The following OTOGL variants were observed in gnomAD, a reference collection of about 807,000 sequenced individuals.
The protein encoded by OTOGL is otogelin like.
Under a neutral mutation model 318.5 loss-of-function variants are expected in OTOGL, and 285 were observed. The ratio of observed to expected loss-of-function variants is 0.89; its 90% CI spans 0.81 to 0.99. The LOEUF (loss-of-function observed/expected upper bound fraction) is 0.99, where lower values mean the gene tolerates loss of function less well. Ranked by LOEUF, OTOGL falls within the 50% of genes least tolerant of loss-of-function variation. The pLI is 0.00. For synonymous variants in OTOGL, 987 were observed against 936.5 expected (o/e 1.05, Z -0.99); for missense variants, 2,899 against 2,845.6 (o/e 1.02, Z -0.43).
intron 22 of OTOGL, among the ~76,000 whole-genome samples, chr12:80,269,512 A>G (rs775560078): frequency 5.9e-5 from 9 of 152,158 alleles, no homozygotes; most frequent in Non-Finnish European, 1.2e-4. Flanking sequence ...TCTAGGAGCT[A>G]GCCTCTGCCT....
At chr12:80,137,614 A>G (rs980949024) in intron 1 of OTOGL, among the ~76,000 whole-genome samples, 4 of 152,198 alleles carry the variant, frequency 2.6e-5, no homozygotes, top group African/African-American at 9.7e-5. Flanking sequence ...TTTTAATCCT[A>G]ATTTTACAGA....
chr12:80,328,319 A>AAACAAC (rs3045899), intron 35 of OTOGL, among the ~76,000 whole-genome samples: 69,432 of 148,626 alleles, frequency 0.47, 17,187 homozygotes, highest in East Asian at 0.7. Context: ...ACCCTGTCAC[A>AAACAAC]AACAACAACA....
In OTOGL at chr12:80,342,133, A is replaced by G. The variant is rs1888814991; in HGVS notation, c.5236A>G (p.Arg1746Gly). The change falls in exon 44 of 59, where the codon AGA becomes GGA. Residue 1746 changes from arginine to glycine, a missense_variant. This residue lies in a region of OTOGL where 2,607 missense variants were observed against 2,524.9 expected (regional missense o/e 1.03). Coordinates refer to ENST00000547103, the MANE Select transcript of OTOGL (RefSeq NM_001378609.3). ...DCSQCIDLLN[R>G]RIFIPCHDKV... ...CAGCCAGTGCATTGATTTATTAAAT[A>G]GAAGAATTTTCATTCCATGTCATGA... 1 of 1,589,262 alleles carries G rather than the reference A, an allele frequency of 6.3e-7. No homozygotes were observed. The highest frequency in any genetic ancestry group is 1.8e-5 in the Admixed American group (1 of 56,544).
intron 1 of OTOGL, among the ~76,000 whole-genome samples, chr12:80,142,748 T>C (rs533742869): frequency 6.6e-6 from 1 of 151,970 alleles, no homozygotes; most frequent in Non-Finnish European, 1.5e-5. Flanking sequence ...GGAAAAGGGA[T>C]TGTGTTCTGT....
chr12:80,264,966 C>A, intron 19 of OTOGL, 35 bp from the exon 20 acceptor site: 1 of 1,594,250 alleles, frequency 6.3e-7, no homozygotes, highest in Non-Finnish European at 8.6e-7. Context: ...AAGATCTGAA[C>A]TGTTAAATAA....
intron 1 of OTOGL, among the ~76,000 whole-genome samples, chr12:80,198,348 G>A (rs554345552): frequency 1.3e-5 from 2 of 152,202 alleles, no homozygotes; most frequent in African/African-American, 4.8e-5. Context: ...AGCATTTGGG[G>A]GGCCGAGGCA....
At chr12:80,235,381 C>T (rs1879744628) in intron 9 of OTOGL, among the ~76,000 whole-genome samples, 1 of 146,746 alleles carries the variant, frequency 6.8e-6, no homozygotes, top group Non-Finnish European at 1.5e-5. Context: ...AGGAGAATTG[C>T]TTGAACATGG....
In OTOGL at chr12:80,336,142, T is replaced by C; in HGVS notation, c.4600+2T>C. On this transcript the variant is annotated splice_donor_variant, in intron 39 of 58. Coordinates refer to ENST00000547103, the MANE Select transcript of OTOGL (RefSeq NM_001378609.3). LOFTEE classifies it high-confidence loss of function. ...GCTGCCCTGAGTGGGAATGTCCTTG[T>C]AAGTTTGCATTTCTTAAGCGGTGAT... The C allele has an allele frequency of 6.3e-7, 1 of 1,574,860 alleles. No homozygotes were observed. Among genetic ancestry groups the C allele is most frequent in the Non-Finnish European group, 8.5e-7 (1 of 1,172,006 alleles).
intron 29 of OTOGL, 102 bp downstream of exon 29, chr12:80,305,797 A>G (rs1340414915): frequency 2.1e-6 from 2 of 962,626 alleles, no homozygotes; most frequent in African/African-American, 1.7e-5. Flanking sequence ...TTTACATACT[A>G]TTTTCATAGT....
At chr12:80,174,978 AT>A (rs1436071141) in intron 1 of OTOGL, among the ~76,000 whole-genome samples, 3 of 152,156 alleles carry the variant, frequency 2.0e-5, no homozygotes, top group Non-Finnish European at 4.4e-5. Flanking sequence ...AGTTTTTAAA[AT>A]AAAAAAAAAC....
chr12:80,250,263 T>C (rs1330736980), intron 11 of OTOGL, among the ~76,000 whole-genome samples: 2 of 152,222 alleles, frequency 1.3e-5, no homozygotes, highest in Admixed American at 6.5e-5. Flanking sequence ...AATAAACTTA[T>C]TTTCCCCTTA....
Position 80,336,570 on chromosome 12 carries a change from A to G in OTOGL, c.4743+15A>G. On this transcript the variant is annotated intron_variant, in intron 40 of 58. Transcript: ENST00000547103. Reference sequence around the variant, plus strand: ...CCATGAATCAGGTGGGTCATAATTTATTTTTGCAGTCATTTCATCATAAAT... The same window carrying G: ...CCATGAATCAGGTGGGTCATAATTTGTTTTTGCAGTCATTTCATCATAAAT... The G allele has an allele frequency of 1.3e-6, 2 of 1,597,236 alleles. No homozygotes were observed. Among genetic ancestry groups the G allele is most frequent in the African/African-American group, 1.3e-5 (1 of 74,300 alleles).
At chr12:80,209,287 A>G (rs1057494751) in intron 1 of OTOGL, 126 bp from the exon 2 acceptor site, 2 of 504,376 alleles carry the variant, frequency 4.0e-6, no homozygotes. Context: ...GTAGTTGGAA[A>G]GCCTGGAATT....
At chr12:80,308,526 G>A (rs1166582061) in intron 29 of OTOGL, among the ~76,000 whole-genome samples, 2 of 152,058 alleles carry the variant, frequency 1.3e-5, no homozygotes, top group African/African-American at 4.8e-5. Context: ...CAGACGATGG[G>A]CGGCCAGGCG....
chr12:80,271,777 C>T lies in OTOGL; in HGVS notation c.2648C>T (p.Ser883Leu). 2 of 1,613,100 alleles carry T rather than the reference C, an allele frequency of 1.2e-6. No homozygotes were observed. Among genetic ancestry groups the T allele is most frequent in the Admixed American group, 1.7e-5 (1 of 59,868 alleles). The part of the protein sequence containing the change: ...LAMNFTCTPS[S>L]PCISGCVCAP... ...ATGAACTTCACCTGCACCCCATCCT[C>T]ACCCTGTATAAGTGGCTGTGTTTGT... Residue 883 changes from serine to leucine, a missense_variant, in exon 24 of 59, where the codon TCA becomes TTA. By Grantham distance (145) the Ser-to-Leu change is moderately radical (BLOSUM62 -2). This residue lies in a region of OTOGL where 2,607 missense variants were observed against 2,524.9 expected (regional missense o/e 1.03). Coordinates refer to ENST00000547103, the MANE Select transcript of OTOGL (RefSeq NM_001378609.3).
chr12:80,237,047 T>A (rs1468846119), intron 9 of OTOGL, among the ~76,000 whole-genome samples: 2 of 152,110 alleles, frequency 1.3e-5, no homozygotes, highest in Non-Finnish European at 1.5e-5. Context: ...ACTCCTGGCC[T>A]CCTGTGATCC....
intron 35 of OTOGL, among the ~76,000 whole-genome samples, chr12:80,324,912 C>T (rs146811589): frequency 2.0e-5 from 3 of 152,058 alleles, no homozygotes; most frequent in Non-Finnish European, 2.9e-5. Flanking sequence ...AGAAACAGTT[C>T]GGAGGAAAGG....
At chr12:80,136,892 A>C (rs1871608644) in intron 1 of OTOGL, among the ~76,000 whole-genome samples, 1 of 152,114 alleles carries the variant, frequency 6.6e-6, no homozygotes, top group Non-Finnish European at 1.5e-5. Context: ...TTCTATTAGA[A>C]TGTAAACTCC....
chr12:80,236,817 T>TA (rs1555281808), intron 9 of OTOGL, among the ~76,000 whole-genome samples: 2 of 136,532 alleles, frequency 1.5e-5, no homozygotes, highest in Non-Finnish European at 3.2e-5. Context: ...TTTTCTTTTC[T>TA]TTTTTTTTTT....
Sources: allele counts gnomAD v4.1 joint callset (sites outside exome capture counted in the v4.1 genomes callset), GRCh38; gene constraint gnomAD v4.1.1; regional missense constraint gnomAD v4.1.1; transcripts MANE v1.5; gene names NCBI Gene and HGNC (gene_info 2026-07-23, HGNC 2026-07-21).